Variants in MACROD2 observed in about 807,000 individuals in gnomAD.
MACROD2 encodes the protein mono-ADP ribosylhydrolase 2.
MACROD2 carries 36 observed loss-of-function variants against 70.4 expected under a neutral mutation model. The ratio of observed to expected loss-of-function variants is 0.51; its 90% CI spans 0.39 to 0.68. MACROD2 has a LOEUF of 0.68. Ranked by LOEUF, MACROD2 falls within the 30% of genes least tolerant of loss-of-function variation. MACROD2 has a pLI of 0.00. For missense variants in MACROD2, 496 were observed against 538.4 expected (o/e 0.92, Z 0.78); for synonymous variants, 172 against 178.8 (o/e 0.96, Z 0.30).
At chr20:15,394,631 T>C (rs925176315) in intron 6 of MACROD2, among the ~76,000 whole-genome samples, 8 of 152,204 alleles carry the variant, frequency 5.3e-5, no homozygotes, top group African/African-American at 1.4e-4. Context: ...TTTTCTTACT[T>C]TGAGGTTGCT....
At chr20:15,896,382 A>G (rs6135593) in intron 10 of MACROD2, among the ~76,000 whole-genome samples, 7,588 of 152,272 alleles carry the variant, frequency 0.05, 359 homozygotes, top group East Asian at 0.23. Flanking sequence ...TAGATTTTCC[A>G]GCATATATAG....
At chr20:15,155,672 T>C (rs1389059804) in intron 5 of MACROD2, among the ~76,000 whole-genome samples, 7 of 152,182 alleles carry the variant, frequency 4.6e-5, no homozygotes, top group African/African-American at 1.7e-4. Flanking sequence ...TCCCTGAGTG[T>C]AGGAACAGTG....
chr20:15,982,385 A>C (rs904841402), intron 13 of MACROD2, among the ~76,000 whole-genome samples: 2 of 152,180 alleles, frequency 1.3e-5, no homozygotes, highest in Admixed American at 6.5e-5. Flanking sequence ...GAGGAAGGTC[A>C]GTTGAAGTCT....
intron 5 of MACROD2, among the ~76,000 whole-genome samples, chr20:14,748,443 AG>A (rs1416595719): frequency 1.3e-5 from 2 of 152,114 alleles, no homozygotes; most frequent in Non-Finnish European, 2.9e-5. Context: ...AACACTTAGT[AG>A]GTCTTTGTAA....
chr20:15,174,164 AT>A (rs1216668441), intron 5 of MACROD2, among the ~76,000 whole-genome samples: 2 of 152,158 alleles, frequency 1.3e-5, no homozygotes, highest in Non-Finnish European at 2.9e-5. Context: ...TAAATGACAA[AT>A]TTTTATTATT....
chr20:14,675,020 T>G (rs921173169), intron 4 of MACROD2, among the ~76,000 whole-genome samples: 1 of 152,146 alleles, frequency 6.6e-6, no homozygotes, highest in African/African-American at 2.4e-5. Flanking sequence ...TGCTAAAAAC[T>G]GTTTAGAAAA....
intron 5 of MACROD2, among the ~76,000 whole-genome samples, chr20:15,216,072 A>G (rs1057159418): frequency 4.6e-5 from 7 of 152,102 alleles, no homozygotes; most frequent in African/African-American, 1.7e-4. Flanking sequence ...GGCATGGTGA[A>G]AGTTCAAAAT....
intron 15 of MACROD2, among the ~76,000 whole-genome samples, chr20:16,034,241 A>G (rs1317660106): frequency 6.6e-6 from 1 of 152,004 alleles, no homozygotes; most frequent in Non-Finnish European, 1.5e-5. Flanking sequence ...TGACTTCATT[A>G]TAAGGAGCAG....
intron 6 of MACROD2, among the ~76,000 whole-genome samples, chr20:15,331,297 T>C (rs780582756): frequency 1.3e-5 from 2 of 151,772 alleles, no homozygotes; most frequent in Non-Finnish European, 1.5e-5. Flanking sequence ...TTGTTCGTTA[T>C]AGATTTTATC....
intron 5 of MACROD2, among the ~76,000 whole-genome samples, chr20:15,012,406 G>C (rs995855017): frequency 1.3e-5 from 2 of 152,112 alleles, no homozygotes; most frequent in Non-Finnish European, 2.9e-5. Context: ...TAAACAGCTC[G>C]TTCAAGCAAA....
At chr20:14,661,889 G>C (rs1038504510) in intron 4 of MACROD2, among the ~76,000 whole-genome samples, 1 of 152,082 alleles carries the variant, frequency 6.6e-6, no homozygotes, top group Non-Finnish European at 1.5e-5. Context: ...CTGGTCATCA[G>C]TGGTAGGATG....
chr20:14,208,858 AGATACATGTT>A (rs966671479), intron 3 of MACROD2, among the ~76,000 whole-genome samples: 7 of 152,356 alleles, frequency 4.6e-5, no homozygotes, highest in African/African-American at 1.7e-4. Context: ...GCAAGGAGCA[AGATACATGTT>A]GATCCATTCT....
chr20:14,585,913 C>T (rs1600418229), intron 4 of MACROD2, among the ~76,000 whole-genome samples: 1 of 152,150 alleles, frequency 6.6e-6, no homozygotes, highest in Non-Finnish European at 1.5e-5. Flanking sequence ...GTTATTAAGA[C>T]CTTTTGAGGC....
At chr20:15,055,796 T>C (rs1000161940) in intron 5 of MACROD2, among the ~76,000 whole-genome samples, 3 of 128,458 alleles carry the variant, frequency 2.3e-5, no homozygotes, top group Non-Finnish European at 5.2e-5. Context: ...GAAAGCAACA[T>C]CTTTTTTTTT....
intron 7 of MACROD2, among the ~76,000 whole-genome samples, chr20:15,464,700 T>C (rs1331053176): frequency 6.6e-6 from 1 of 152,240 alleles, no homozygotes; most frequent in Non-Finnish European, 1.5e-5. Flanking sequence ...GTTCAGATGG[T>C]AATTGTCTTT....
intron 15 of MACROD2, among the ~76,000 whole-genome samples, chr20:16,016,041 A>T (rs1194047237): frequency 6.6e-6 from 1 of 152,066 alleles, no homozygotes; most frequent in Non-Finnish European, 1.5e-5. Flanking sequence ...TGACTTTTCC[A>T]TTGTCACACA....
intron 5 of MACROD2, among the ~76,000 whole-genome samples, chr20:14,773,624 G>T (rs1455831119): frequency 1.3e-5 from 2 of 152,054 alleles, no homozygotes; most frequent in African/African-American, 4.8e-5. Flanking sequence ...AATAGGATGT[G>T]TATATATGTC....
At chr20:15,916,349 C>T (rs1012944740) in intron 10 of MACROD2, among the ~76,000 whole-genome samples, 8 of 152,302 alleles carry the variant, frequency 5.3e-5, no homozygotes, top group Admixed American at 3.3e-4. Context: ...GAGAGCATGT[C>T]CTGGCTTGAA....
intron 8 of MACROD2, among the ~76,000 whole-genome samples, chr20:15,507,438 T>C (rs1022533300): frequency 2.0e-5 from 3 of 151,296 alleles, no homozygotes; most frequent in African/African-American, 4.9e-5. Context: ...CTTTCTTCCT[T>C]CCTTTCTTTT....
Sources: allele counts gnomAD v4.1 joint callset (sites outside exome capture counted in the v4.1 genomes callset), GRCh38; gene constraint gnomAD v4.1.1; transcripts MANE v1.5; gene names NCBI Gene and HGNC (gene_info 2026-07-23, HGNC 2026-07-21).